The following OCRL variants were observed in gnomAD, a reference collection of about 807,000 sequenced individuals.
OCRL encodes the protein OCRL inositol polyphosphate-5-phosphatase.
In OCRL, 8 loss-of-function variants were observed where a neutral mutation model predicts 78.9. The observed-to-expected ratio is 0.10, with a 90% CI of 0.06 to 0.18. The LOEUF (loss-of-function observed/expected upper bound fraction) is 0.18, where lower values mean the gene tolerates loss of function less well. Among genes scored for constraint, OCRL ranks in the 10% least tolerant of loss-of-function variants. The pLI, the probability that OCRL is intolerant of heterozygous loss-of-function variation, is 1.00. For synonymous variants in OCRL, 240 were observed against 235.4 expected (o/e 1.02, Z -0.18); for missense variants, 454 against 696.7 (o/e 0.65, Z 3.92).
rs978035444 is a variant in OCRL, at chrX:129,591,498, T to A, written c.*1228T>A. The A allele has an allele frequency of 1.8e-5, 2 of 112,413 alleles. No homozygotes were observed. The highest frequency in any genetic ancestry group is 3.2e-5 in the African/African-American group (1 of 30,805). The allele number at this position is 112,413 out of a possible 1,213,427, so 9.3% of individuals were successfully genotyped here. A position where few individuals can be genotyped will look rare whatever the true frequency, so the allele number is the denominator to read the frequency against. ...CAAGCTCTGTGGTACAGCCTTTTTT[T>A]AAAATAAATTAATCTATATTGGTTG... On this transcript the variant is annotated 3_prime_UTR_variant, in exon 24 of 24. Transcript: ENST00000371113.
intron 13 of OCRL, among the ~76,000 whole-genome samples, chrX:129,566,661 C>A (rs1936221239): frequency 8.9e-6 from 1 of 112,252 alleles, no homozygotes; most frequent in African/African-American, 3.2e-5. Flanking sequence ...TCAGACGTAG[C>A]CAACATTCAG....
chrX:129,555,338 G>C (rs1354979971), intron 4 of OCRL, among the ~76,000 whole-genome samples: 1 of 110,882 alleles, frequency 9.0e-6, no homozygotes, highest in Non-Finnish European at 1.9e-5. Context: ...AGCCGGACAT[G>C]GTGGCGGGCA....
chrX:129,563,078 G>A (rs1036996952), intron 12 of OCRL, among the ~76,000 whole-genome samples: 1 of 111,836 alleles, frequency 8.9e-6, no homozygotes, highest in Non-Finnish European at 1.9e-5. Context: ...AATATTCATT[G>A]CAAATGTAAT....
chrX:129,555,000 T>TAAA (rs78547580), intron 4 of OCRL, among the ~76,000 whole-genome samples: 1 of 95,569 alleles, frequency 1.0e-5, no homozygotes, highest in Non-Finnish European at 2.0e-5. Context: ...AATAAATAAA[T>TAAA]AAAAATAAGA....
chrX:129,571,498 A>T (rs1041019722), intron 15 of OCRL, among the ~76,000 whole-genome samples: 9 of 106,311 alleles, frequency 8.5e-5, no homozygotes, highest in African/African-American at 2.1e-4. Context: ...CCGCCCAGCT[A>T]ATTTTTTGTA....
At chrX:129,547,921 T>C (rs1935911258) in intron 3 of OCRL, among the ~76,000 whole-genome samples, 1 of 111,794 alleles carries the variant, frequency 8.9e-6, no homozygotes, top group African/African-American at 3.3e-5. Context: ...AGGTTGGGTC[T>C]AGACACTTGT....
chrX:129,559,887 G>A (rs1936122113), intron 8 of OCRL, among the ~76,000 whole-genome samples: 1 of 111,678 alleles, frequency 9.0e-6, no homozygotes, highest in Non-Finnish European at 1.9e-5. Context: ...ACATTTCTTT[G>A]TTATTCATGA....
At chrX:129,550,698 ATTTATT>A (rs1935947773) in intron 4 of OCRL, among the ~76,000 whole-genome samples, 1 of 111,495 alleles carries the variant, frequency 9.0e-6, no homozygotes, top group Non-Finnish European at 1.9e-5. Flanking sequence ...CTTCATTGAA[ATTTATT>A]TTTAATCTTT....
chrX:129,561,345 G>C, intron 10 of OCRL, 52 bp downstream of exon 10: 1 of 744,935 alleles, frequency 1.3e-6, no homozygotes, highest in Non-Finnish European at 2.1e-6. Flanking sequence ...AGGGCTCACC[G>C]GGAGTTATTC....
intron 21 of OCRL, among the ~76,000 whole-genome samples, 187 bp downstream of exon 21, chrX:129,588,450 G>T (rs1319697648): frequency 8.9e-6 from 1 of 111,845 alleles, no homozygotes; most frequent in South Asian, 3.8e-4. Context: ...TCCATATCCA[G>T]CTCTTACTAA....
intron 12 of OCRL, among the ~76,000 whole-genome samples, chrX:129,565,396 G>C (rs964927188): frequency 8.9e-6 from 1 of 112,094 alleles, no homozygotes; most frequent in African/African-American, 3.2e-5. Context: ...TCAGGACTCT[G>C]AGAGGCAGAA....
At chrX:129,564,442 T>G (rs1350214673) in intron 12 of OCRL, among the ~76,000 whole-genome samples, 1 of 110,871 alleles carries the variant, frequency 9.0e-6, no homozygotes, top group African/African-American at 3.3e-5. Context: ...CGCGGCACTA[T>G]TCACAATAGC....
chrX:129,543,953 A>G (rs1935843210), intron 2 of OCRL, among the ~76,000 whole-genome samples: 1 of 111,626 alleles, frequency 9.0e-6, no homozygotes, highest in African/African-American at 3.3e-5. Flanking sequence ...CAGTGAGGGG[A>G]AATAAATATA....
intron 3 of OCRL, among the ~76,000 whole-genome samples, chrX:129,547,317 A>G (rs1302298705): frequency 9.1e-6 from 1 of 110,136 alleles, no homozygotes; most frequent in Non-Finnish European, 1.9e-5. Context: ...CAAGGTCAGG[A>G]GATTGAGACC....
At position 129,568,652 on chromosome X, in the gene OCRL, C is replaced by T. The variant is rs749526265; in HGVS notation, c.1467-612C>T. The stretch of plus-strand genomic sequence containing the variant: ...AGAATGATGAATAGGTTCTTTTTCC[C>T]TACCCTTGGTATTCTGTGGACTGAC... On this transcript the variant is annotated intron_variant, in intron 14 of 23. Transcript: ENST00000371113. 2.2e-4 allele frequency among the ~76,000 whole-genome samples: 25 copies of T among 112,491 alleles called. No homozygotes were observed. In the South Asian group the frequency reaches 8.1e-3, roughly 36 times the overall value.
In OCRL at chrX:129,560,660, C is replaced by T; in HGVS notation, c.824+9C>T. Reference sequence around the variant, plus strand: ...GATATCTACTGCATTGGGTAAAGAACACTTCTGGAATTTCCTTTTGGCTAT... The same window carrying T: ...GATATCTACTGCATTGGGTAAAGAATACTTCTGGAATTTCCTTTTGGCTAT... On this transcript the variant is annotated intron_variant, in intron 9 of 23. Coordinates refer to ENST00000371113, the MANE Select transcript of OCRL (RefSeq NM_000276.4). The T allele has an allele frequency of 9.0e-7, 1 of 1,105,252 alleles. No homozygotes were observed. Among genetic ancestry groups the T allele is most frequent in the Non-Finnish European group, 1.3e-6 (1 of 799,565 alleles). The allele number at this position is 1,105,252 out of a possible 1,213,427, so 91.1% of individuals were successfully genotyped here. A position where few individuals can be genotyped will look rare whatever the true frequency, so the allele number is the denominator to read the frequency against.
At position 129,590,081 on chromosome X, in the gene OCRL, G is replaced by A. The variant is rs765532133; in HGVS notation, c.2582-65G>A. ...ATAGTCCTTGTCCCCAGGCCCTCCAGCCCTGAGGTTTTGCTTAGGTTATGT... is the reference window on the plus strand; with the variant it reads ...ATAGTCCTTGTCCCCAGGCCCTCCAACCCTGAGGTTTTGCTTAGGTTATGT... On this transcript the variant is annotated intron_variant, in intron 23 of 23. Coordinates refer to ENST00000371113, the MANE Select transcript of OCRL (RefSeq NM_000276.4). 1.2e-5 allele frequency: 14 copies of A among 1,205,399 alleles called. No homozygotes were observed. In the East Asian group the frequency reaches 3.6e-4, roughly 31 times the overall value.
At chrX:129,588,053 T>G in intron 20 of OCRL, 126 bp from the exon 21 acceptor site, 1 of 536,487 alleles carries the variant, frequency 1.9e-6, no homozygotes, top group Non-Finnish European at 3.4e-6. Flanking sequence ...ACACCTCCAT[T>G]TGTAATTATT....
intron 2 of OCRL, 46 bp from the exon 3 acceptor site, chrX:129,544,912 T>G: frequency 1.3e-6 from 1 of 782,576 alleles, no homozygotes; most frequent in Non-Finnish European, 2.0e-6. Context: ...TTTTGCTAAA[T>G]GAGTTTTTCA....
Sources: gnomAD v4.1 joint callset for allele counts (sites outside exome capture counted in the v4.1 genomes callset) on GRCh38, gnomAD v4.1.1 for gene constraint, MANE v1.5 for transcripts, NCBI Gene and HGNC (gene_info 2026-07-23, HGNC 2026-07-21) for gene names.